DCHS2: variants seen among roughly 807,000 people sequenced by gnomAD.
DCHS2 encodes dachsous cadherin-related 2.
Under a neutral mutation model 182.4 loss-of-function variants are expected in DCHS2, and 142 were observed. The ratio of observed to expected loss-of-function variants is 0.78; its 90% CI spans 0.68 to 0.89. The LOEUF is 0.89. DCHS2 is among the 40% of genes least tolerant of loss of function. The probability of loss-of-function intolerance (pLI) is 0.00; values close to 1 mark genes in which losing one functional copy is unlikely to be tolerated. For missense variants in DCHS2, 4,319 were observed against 4,198.6 expected, an observed-to-expected ratio of 1.03 and a Z score of -0.79; for synonymous variants, 1,740 against 1,663.3, an observed-to-expected ratio of 1.05 and a Z score of -1.12.
At chr4:154,308,475 C>T (rs1297718898) in intron 10 of DCHS2, among the ~76,000 whole-genome samples, 1 of 152,152 alleles carries the variant, frequency 6.6e-6, no homozygotes, top group Non-Finnish European at 1.5e-5. Context: ...GCATCCATAT[C>T]TATTTGGTTG....
At chr4:154,317,338 C>T (rs1178002912) in intron 9 of DCHS2, among the ~76,000 whole-genome samples, 1 of 152,198 alleles carries the variant, frequency 6.6e-6, no homozygotes, top group African/African-American at 2.4e-5. Flanking sequence ...ATTACTGAAA[C>T]AGGTCCTTGG....
chr4:154,399,028 T>C (rs1732048218), intron 1 of DCHS2, among the ~76,000 whole-genome samples: 1 of 152,122 alleles, frequency 6.6e-6, no homozygotes, highest in South Asian at 2.1e-4. Flanking sequence ...GCCCTCCGTG[T>C]CTGTGGGCTT....
chr4:154,303,820 G>T (rs1735319848), intron 12 of DCHS2, among the ~76,000 whole-genome samples: 1 of 152,126 alleles, frequency 6.6e-6, no homozygotes, highest in African/African-American at 2.4e-5. Context: ...TAATGTAAAT[G>T]ATTCTTATCC....
chr4:154,319,848 G>T (rs61125933), intron 9 of DCHS2, among the ~76,000 whole-genome samples: 2 of 152,070 alleles, frequency 1.3e-5, no homozygotes, highest in African/African-American at 2.4e-5. Flanking sequence ...TTATACAAAA[G>T]AATTGAAATC....
At chr4:154,448,862 C>T (rs1367608971) in intron 1 of DCHS2, among the ~76,000 whole-genome samples, 2 of 152,194 alleles carry the variant, frequency 1.3e-5, no homozygotes, top group East Asian at 3.9e-4. Flanking sequence ...TGCCTGTCCT[C>T]TCCATCCCCC....
At chr4:154,264,587 C>A (rs1287644089) in intron 14 of DCHS2, among the ~76,000 whole-genome samples, 1 of 152,112 alleles carries the variant, frequency 6.6e-6, no homozygotes, top group African/African-American at 2.4e-5. Flanking sequence ...CAACAGCTAG[C>A]TTCTTAATGC....
At chr4:154,429,201 C>A (rs969313965) in intron 1 of DCHS2, among the ~76,000 whole-genome samples, 1 of 152,104 alleles carries the variant, frequency 6.6e-6, no homozygotes, top group African/African-American at 2.4e-5. Context: ...AATGTGAGTG[C>A]CTATTGGGCC....
chr4:154,267,624 A>G (rs984985303), intron 14 of DCHS2, among the ~76,000 whole-genome samples: 1 of 152,190 alleles, frequency 6.6e-6, no homozygotes. Context: ...ACATAGTACC[A>G]GAGTTCATCT....
intron 9 of DCHS2, among the ~76,000 whole-genome samples, chr4:154,317,981 A>G (rs1578956958): frequency 6.6e-6 from 1 of 152,300 alleles, no homozygotes; most frequent in Non-Finnish European, 1.5e-5. Context: ...TCAAAGATAA[A>G]TTTCCATACT....
chr4:154,470,463 G>C (rs1253107450), intron 1 of DCHS2, among the ~76,000 whole-genome samples: 2 of 146,872 alleles, frequency 1.4e-5, no homozygotes, highest in African/African-American at 5.1e-5. Flanking sequence ...ACTTCAGCCT[G>C]GGTGACAGAG....
At chr4:154,322,301 T>C in intron 8 of DCHS2, 30 bp downstream of exon 8, 1 of 1,611,088 alleles carries the variant, frequency 6.2e-7, no homozygotes. Flanking sequence ...TCTTTAGATG[T>C]CCTTCCATAT....
chr4:154,235,802 T>A lies in DCHS2; in HGVS notation c.8850A>T (p.Lys2950Asn), dbSNP rs149216376. ...ALPLIKSQLN[K>N]EDTLEMKIIA... ...TTATTTTCATTTCCAAGGTGTCTTC[T>A]TTGTTGAGTTGACTTTTTATTAGGG... Residue 2950 changes from lysine to asparagine, a missense_variant, in exon 20 of 20, where the codon AAA (lysine) becomes AAT (asparagine). Physicochemically the swap from Lys to Asn is moderately conservative, Grantham distance 94. Transcript: ENST00000357232. 1.9e-6 allele frequency: 3 copies of A among 1,613,734 alleles called. No homozygotes were observed. The highest frequency in any genetic ancestry group is 2.5e-6 in the Non-Finnish European group (3 of 1,179,934).
chr4:154,236,952 G>A lies in DCHS2; in HGVS notation c.7700C>T (p.Thr2567Met), dbSNP rs17031279. The A allele has an allele frequency of 3.7e-3, 6,026 of 1,613,980 alleles. 143 individuals are homozygous for A. In the African/African-American group the frequency reaches 0.065, roughly 17 times the overall value. Residue 2567 changes from threonine to methionine, a missense_variant, in exon 20 of 20, where the codon ACG becomes ATG. Transcript: ENST00000357232. ...GTCGATGTTTGAAAATGTAACAAGC[G>A]TGCTTCCAACCAGAGCATCCTCACT... ...SLSEDALVGS[T>M]LVTFSNIDHD...
chr4:154,263,352 T>A (rs1488943931), intron 14 of DCHS2, among the ~76,000 whole-genome samples: 1 of 151,940 alleles, frequency 6.6e-6, no homozygotes, highest in Non-Finnish European at 1.5e-5. Context: ...ACAACTAAAA[T>A]GCATGATAAA....
intron 14 of DCHS2, among the ~76,000 whole-genome samples, chr4:154,263,792 T>C (rs1055631484): frequency 6.6e-6 from 1 of 151,786 alleles, no homozygotes; most frequent in Non-Finnish European, 1.5e-5. Context: ...AAGAACAAAC[T>C]CATGAATACA....
Position 154,259,701 on chromosome 4 carries a change from A to T in DCHS2, c.6633T>A (p.Val2211=), listed in dbSNP as rs139578314. ...KFLDFEVRNE[V]QLIVLAESSG... The stretch of plus-strand genomic sequence containing the variant: ...TACTTTCAGCTAAAACGATGAGTTG[A>T]ACCTCATTTCTGACTTCAAAATCAA... Residue 2211 remains valine (V), a synonymous_variant, in exon 15 of 20, where the codon GTT becomes GTA. Transcript: ENST00000357232. 222 of 1,614,116 alleles carry T rather than the reference A, an allele frequency of 1.4e-4. No individual in the cohort carries two copies. Among genetic ancestry groups the T allele is most frequent in the Middle Eastern group, 9.9e-4 (6 of 6,062 alleles).
intron 1 of DCHS2, among the ~76,000 whole-genome samples, chr4:154,426,750 A>ATG (rs1167197880): frequency 8.8e-6 from 1 of 113,426 alleles, no homozygotes; most frequent in Non-Finnish European, 2.0e-5. Context: ...CCTGGGCAAC[A>ATG]TAGTGAGACT....
chr4:154,429,795 T>A (rs1733483608), intron 1 of DCHS2, among the ~76,000 whole-genome samples: 1 of 152,138 alleles, frequency 6.6e-6, no homozygotes, highest in African/African-American at 2.4e-5. Flanking sequence ...ACAAGCATCA[T>A]CCAGTAGTGA....
chr4:154,455,773 C>T (rs1734738018), intron 1 of DCHS2, among the ~76,000 whole-genome samples: 1 of 152,158 alleles, frequency 6.6e-6, no homozygotes, highest in Admixed American at 6.5e-5. Context: ...GATTACCATG[C>T]TATAGGATTT....
Sources: gnomAD v4.1 joint callset for allele counts (sites outside exome capture counted in the v4.1 genomes callset) on GRCh38, gnomAD v4.1.1 for gene constraint, MANE v1.5 for transcripts, NCBI Gene and HGNC (gene_info 2026-07-23, HGNC 2026-07-21) for gene names.